COPS4: variants seen among roughly 807,000 people sequenced by gnomAD.
COPS4 encodes the protein COP9 signalosome subunit 4.
Under a neutral mutation model 55.1 loss-of-function variants are expected in COPS4, and 8 were observed. The ratio of observed to expected loss-of-function variants is 0.15; its 90% CI spans 0.09 to 0.26. The LOEUF (loss-of-function observed/expected upper bound fraction) is 0.26, where lower values mean the gene tolerates loss of function less well. COPS4 is among the 10% of genes least tolerant of loss of function. The pLI, the probability that COPS4 is intolerant of heterozygous loss-of-function variation, is 1.00. For missense variants in COPS4, 248 were observed against 484.0 expected, an observed-to-expected ratio of 0.51 and a Z score of 4.58; for synonymous variants, 185 against 165.7, an observed-to-expected ratio of 1.12 and a Z score of -0.90.
At chr4:83,050,627 A>G (rs748230270) in intron 4 of COPS4, among the ~76,000 whole-genome samples, 7 of 152,128 alleles carry the variant, frequency 4.6e-5, no homozygotes, top group Non-Finnish European at 1.0e-4. Context: ...TCATCACTAG[A>G]TACTCTTAGA....
intron 6 of COPS4, among the ~76,000 whole-genome samples, chr4:83,058,942 A>G (rs1731091565): frequency 6.6e-6 from 1 of 152,232 alleles, no homozygotes; most frequent in African/African-American, 2.4e-5. Context: ...CTGATTTCTT[A>G]CACAGGTATT....
intron 4 of COPS4, among the ~76,000 whole-genome samples, chr4:83,055,594 C>A (rs1030384813): frequency 6.6e-6 from 1 of 151,906 alleles, no homozygotes; most frequent in African/African-American, 2.4e-5. Flanking sequence ...CAGGCATGTG[C>A]CTCTATGCCT....
chr4:83,057,159 T>C (rs1731034331), intron 5 of COPS4, 80 bp downstream of exon 5: 2 of 1,500,382 alleles, frequency 1.3e-6, no homozygotes, highest in Admixed American at 3.9e-5. Context: ...ATCTGATAGA[T>C]GCTCTTAAAT....
intron 1 of COPS4, among the ~76,000 whole-genome samples, chr4:83,039,274 A>T (rs1304070757): frequency 6.6e-6 from 1 of 152,072 alleles, no homozygotes; most frequent in Non-Finnish European, 1.5e-5. Flanking sequence ...AATATAGTTG[A>T]CTGGGCTACA....
At chr4:83,056,878 T>C in intron 4 of COPS4, 48 bp from the exon 5 acceptor site, 1 of 1,451,042 alleles carries the variant, frequency 6.9e-7, no homozygotes, top group Non-Finnish European at 9.4e-7. Context: ...TCCTAAAATT[T>C]TCTTGACAAA....
At chr4:83,042,577 C>A (rs187207920) in intron 1 of COPS4, among the ~76,000 whole-genome samples, 1 of 150,434 alleles carries the variant, frequency 6.6e-6, no homozygotes, top group Non-Finnish European at 1.5e-5. Flanking sequence ...CCACAGCTGG[C>A]TAATTTTTGT....
At chr4:83,053,082 A>C (rs1480435446) in intron 4 of COPS4, among the ~76,000 whole-genome samples, 1 of 152,220 alleles carries the variant, frequency 6.6e-6, no homozygotes, top group Non-Finnish European at 1.5e-5. Flanking sequence ...AAATTAGATC[A>C]GTCATACTGG....
intron 6 of COPS4, among the ~76,000 whole-genome samples, chr4:83,059,822 GAGT>G (rs1731112178): frequency 0.037 from 3 of 82 alleles, no homozygotes; most frequent in Non-Finnish European, 0.06. Flanking sequence ...TCAGCCTCCC[GAGT>G]GAGTAGCTGG....
chr4:83,051,726 T>C (rs114406276), intron 4 of COPS4, among the ~76,000 whole-genome samples: 3 of 152,222 alleles, frequency 2.0e-5, no homozygotes, highest in African/African-American at 7.2e-5. Context: ...GGACTAGATA[T>C]ACATATTTGG....
intron 4 of COPS4, among the ~76,000 whole-genome samples, chr4:83,055,692 C>T (rs1363385110): frequency 6.6e-5 from 10 of 152,068 alleles, no homozygotes; most frequent in Admixed American, 5.2e-4. Context: ...CTGCCCGCCT[C>T]GGGCTCCCAA....
intron 6 of COPS4, among the ~76,000 whole-genome samples, chr4:83,058,074 G>GTT (rs70943197): frequency 1.6e-4 from 24 of 146,370 alleles, no homozygotes; most frequent in South Asian, 4.3e-4. Flanking sequence ...CTGCTTTTGG[G>GTT]TTTTTTTTTT....
intron 2 of COPS4, among the ~76,000 whole-genome samples, chr4:83,048,608 A>T (rs1730779205): frequency 6.6e-6 from 1 of 151,942 alleles, no homozygotes; most frequent in Admixed American, 6.6e-5. Context: ...AAGTTGTGTT[A>T]TTTTTACTGT....
chr4:83,035,238 T>C lies in COPS4; in HGVS notation c.14T>C (p.Val5Ala). 1.3e-6 allele frequency: 2 copies of C among 1,568,152 alleles called. No homozygotes were observed. The highest frequency in any genetic ancestry group is 1.4e-5 in the African/African-American group (1 of 73,880). Residue 5 changes from valine to alanine, a missense_variant, in exon 1 of 10, where the codon GTG becomes GCG. This residue lies in a region of COPS4 where 55 missense variants were observed against 62.8 expected (regional missense o/e 0.88). Transcript: ENST00000264389. MAAA[V>A]RQDLAQLMNS... ...GCTGGGAGAAAGATGGCGGCAGCCG[T>C]GCGACAGGATTTGGCCCAGCTCATG... is the stretch of plus-strand genomic sequence containing the variant.
intron 1 of COPS4, among the ~76,000 whole-genome samples, chr4:83,042,882 G>A (rs1486807710): frequency 6.6e-6 from 1 of 151,776 alleles, no homozygotes. Context: ...TGGGATTACA[G>A]GCATGAGCCA....
chr4:83,056,951 G>A lies in COPS4; in HGVS notation c.436G>A (p.Glu146Lys). The A allele has an allele frequency of 1.2e-6, 2 of 1,613,088 alleles. No individual in the cohort carries two copies. Among genetic ancestry groups the A allele is most frequent in the Non-Finnish European group, 1.7e-6 (2 of 1,179,156 alleles). ...QKQYNVDYKL[E>K]TYLKIARLYL... is the part of the protein sequence containing the mutation. ...ACAGTACAATGTAGATTATAAACTG[G>A]AGACTTACTTGAAGATTGCTAGGCT... Residue 146 changes from glutamate to lysine, a missense_variant, in exon 5 of 10, where the codon GAG (glutamate) becomes AAG (lysine). Glu to Lys is a moderately conservative substitution (Grantham distance 56). This residue lies in a region of COPS4 where 155 missense variants were observed against 326.6 expected (regional missense o/e 0.47). Transcript: ENST00000264389.
intron 9 of COPS4, 72 bp from the exon 10 acceptor site, chr4:83,075,225 A>C: frequency 7.1e-7 from 1 of 1,412,870 alleles, no homozygotes. Context: ...TAAAAAGTAT[A>C]TATCTTTTAA....
At chr4:83,073,161 C>A (rs1731481292) in intron 9 of COPS4, 1 of 565,300 alleles carries the variant, frequency 1.8e-6, no homozygotes, top group Non-Finnish European at 3.3e-6. Context: ...CCAAAGGAAG[C>A]CCTTGCCCTT....
intron 9 of COPS4, chr4:83,073,419 C>T (rs961124279): frequency 3.4e-5 from 14 of 414,830 alleles, no homozygotes; most frequent in Non-Finnish European, 5.6e-5. Context: ...ACCTCAATTC[C>T]ACCACTGGTT....
intron 9 of COPS4, among the ~76,000 whole-genome samples, chr4:83,072,884 A>G (rs2126135599): frequency 6.6e-6 from 1 of 152,256 alleles, no homozygotes; most frequent in South Asian, 2.1e-4. Context: ...TGTTAAATTG[A>G]AATTCACATG....
Sources: gnomAD v4.1 joint callset for allele counts (sites outside exome capture counted in the v4.1 genomes callset) on GRCh38, gnomAD v4.1.1 for gene constraint, gnomAD v4.1.1 regional missense constraint, MANE v1.5 for transcripts, NCBI Gene and HGNC (gene_info 2026-07-23, HGNC 2026-07-21) for gene names.